The following DHX9 variants were observed in gnomAD, a reference collection of about 807,000 sequenced individuals.
DHX9 encodes DExH-box helicase 9, also known as ATP-dependent RNA helicase A.
DHX9 carries 27 observed loss-of-function variants against 148.7 expected under a neutral mutation model. That is an observed-to-expected ratio of 0.18 (90% confidence interval 0.13 to 0.25). The LOEUF (loss-of-function observed/expected upper bound fraction) is 0.25. DHX9 is among the 10% of genes least tolerant of loss of function. The pLI is 1.00. For missense variants in DHX9, 796 were observed against 1,559.6 expected (o/e 0.51, Z 8.25); for synonymous variants, 529 against 516.6 (o/e 1.02, Z -0.33).
chr1:182,884,522 T>C, intron 26 of DHX9, 91 bp from the exon 27 acceptor site: 5 of 1,135,978 alleles, frequency 4.4e-6, no homozygotes, highest in Non-Finnish European at 6.3e-6. Context: ...GTTAAATTTA[T>C]TCTATAATGT....
chr1:182,849,974 A>T (rs1345348288), intron 3 of DHX9, among the ~76,000 whole-genome samples: 1 of 139,392 alleles, frequency 7.2e-6, no homozygotes, highest in East Asian at 2.0e-4. Context: ...TGTAAAGTGT[A>T]CACACGTACC....
intron 6 of DHX9, 68 bp downstream of exon 6, chr1:182,854,246 T>TCCACGTTG: frequency 1.4e-6 from 2 of 1,417,320 alleles, no homozygotes; most frequent in South Asian, 3.0e-5. Context: ...CTGTTGAATA[T>TCCACGTTG]AATCTATTTT....
chr1:182,844,950 A>G (rs898137564), intron 3 of DHX9, among the ~76,000 whole-genome samples: 10 of 152,230 alleles, frequency 6.6e-5, no homozygotes, highest in Non-Finnish European at 1.5e-4. Context: ...GGTGTGAGCC[A>G]CTGTGCCCAG....
At chr1:182,873,314 G>C (rs79421353) in intron 15 of DHX9, among the ~76,000 whole-genome samples, 9,057 of 152,046 alleles carry the variant, frequency 0.06, 379 homozygotes, top group African/African-American at 0.12. Flanking sequence ...TCTGGTAGCT[G>C]TGGGGGAAAA....
chr1:182,865,409 C>T (rs1220204248), intron 12 of DHX9, among the ~76,000 whole-genome samples: 1 of 152,248 alleles, frequency 6.6e-6, no homozygotes, highest in East Asian at 1.9e-4. Flanking sequence ...ATCTGACTTA[C>T]AGGAGTTGAA....
chr1:182,875,899 A>T (rs188920620), intron 16 of DHX9, 151 bp from the exon 17 acceptor site: 462 of 649,022 alleles, frequency 7.1e-4, no homozygotes, highest in Non-Finnish European at 9.7e-4. Flanking sequence ...ATTTTTGGAA[A>T]TTAAATTTCT....
intron 14 of DHX9, among the ~76,000 whole-genome samples, chr1:182,871,250 G>A (rs1648542722): frequency 3.3e-5 from 5 of 152,088 alleles, no homozygotes; most frequent in Admixed American, 1.3e-4. Context: ...TTTTATAGAA[G>A]AGGAAACATT....
intron 14 of DHX9, 148 bp downstream of exon 14, chr1:182,867,191 G>A: frequency 1.8e-6 from 1 of 545,614 alleles, no homozygotes; most frequent in Non-Finnish European, 3.1e-6. Context: ...TCTTTTTTTA[G>A]TGAGATTATT....
rs1481818505 is a variant in DHX9, at chr1:182,852,238, A to G, written c.258A>G (p.Ala86=). The G allele has an allele frequency of 1.9e-6, 3 of 1,601,930 alleles. No homozygotes were observed. The highest frequency in any genetic ancestry group is 1.1e-5 in the South Asian group (1 of 88,896). Residue 86 remains alanine, a synonymous_variant, in exon 4 of 28, where the codon GCA becomes GCG. Transcript: ENST00000367549. The part of the protein sequence containing the change: ...KSEEVPAFGV[A]SPPPLTDTPD... ...CTTGACTTTTTCTTTTGCAGGTAGCATCTCCGCCCCCACTTACTGATACTC... is the reference window on the plus strand; with the variant it reads ...CTTGACTTTTTCTTTTGCAGGTAGCGTCTCCGCCCCCACTTACTGATACTC...
rs1027476648 is a variant in DHX9, at chr1:182,887,653, T to C, written c.*219T>C. On this transcript the variant is annotated 3_prime_UTR_variant, in exon 28 of 28. Transcript: ENST00000367549. ...ACGATCTCTTAAAAATACCACAGTT[T>C]GTATTTTTTCTTTAAGGAGTAAAGA... is the stretch of plus-strand genomic sequence containing the variant. The C allele has an allele frequency of 6.2e-6, 3 of 483,088 alleles. No homozygotes were observed. Among genetic ancestry groups the C allele is most frequent in the African/African-American group, 5.7e-5 (3 of 52,338 alleles). The allele number at this position is 483,088 out of a possible 1,614,324, so 29.9% of individuals were successfully genotyped here.
At position 182,884,663 on chromosome 1, in the gene DHX9, G is replaced by A. The variant is rs765695106; in HGVS notation, c.3311G>A (p.Arg1104Gln). ...GCTGCTGCCTGTATCACTGGTCTCC[G>A]GGCAGCCATGGAGGCTTTGGTTGTT... Reference protein sequence around the residue: ...HEAAACITGLRAAMEALVVEV... With the variant: ...HEAAACITGLQAAMEALVVEV... The change falls in exon 27 of 28, where the codon CGG becomes CAG. Residue 1104 changes from arginine to glutamine, a missense_variant. By Grantham distance (43) the Arg-to-Gln change is conservative. Around this residue, in one of 14 missense-constraint regions of DHX9, gnomAD observed 86 missense variants for 156.3 expected, o/e 0.55. Coordinates refer to ENST00000367549, the MANE Select transcript of DHX9 (RefSeq NM_001357.5). The A allele has an allele frequency of 1.9e-6, 3 of 1,614,012 alleles. No individual in the cohort carries two copies. The highest frequency in any genetic ancestry group is 2.2e-5 in the East Asian group (1 of 44,880).
chr1:182,883,446 C>T, intron 25 of DHX9, 74 bp from the exon 26 acceptor site: 1 of 1,577,622 alleles, frequency 6.3e-7, no homozygotes, highest in Admixed American at 1.7e-5. Flanking sequence ...TTTTGATTTT[C>T]AAAGCACAGT....
intron 3 of DHX9, among the ~76,000 whole-genome samples, chr1:182,848,220 C>G (rs1397388055): frequency 1.3e-5 from 2 of 152,240 alleles, no homozygotes; most frequent in Non-Finnish European, 2.9e-5. Flanking sequence ...TTCTCCGTAA[C>G]ACTTACTTTT....
chr1:182,850,331 A>T lies in DHX9; in HGVS notation c.253-1902A>T, dbSNP rs571771838. Reference sequence around the variant, plus strand: ...AAAAAGAAAAATGGCGTGGTGGCTCACACCTGTAATACCAACACTTCGGGA... The same window carrying T: ...AAAAAGAAAAATGGCGTGGTGGCTCTCACCTGTAATACCAACACTTCGGGA... On this transcript the variant is annotated intron_variant, in intron 3 of 27. Coordinates refer to ENST00000367549, the MANE Select transcript of DHX9 (RefSeq NM_001357.5). Among the ~76,000 whole-genome samples the T allele has an allele frequency of 3.9e-5, 6 of 152,256 alleles. No homozygotes were observed. In the South Asian group the frequency reaches 1.2e-3, roughly 32 times the overall value.
At chr1:182,866,922 G>T (rs1648319835) in intron 13 of DHX9, 39 bp from the exon 14 acceptor site, 2 of 1,512,774 alleles carry the variant, frequency 1.3e-6, no homozygotes, top group Middle Eastern at 1.8e-4. Context: ...TTACTACTTT[G>T]AACTTTTCTA....
intron 15 of DHX9, among the ~76,000 whole-genome samples, chr1:182,873,948 G>C (rs1268745795): frequency 6.6e-6 from 1 of 152,094 alleles, no homozygotes; most frequent in Non-Finnish European, 1.5e-5. Context: ...GAGCCAACCT[G>C]AAAGAGTTCC....
At chr1:182,852,386 TACAC>T in intron 4 of DHX9, 42 bp downstream of exon 4, 1 of 1,358,932 alleles carries the variant, frequency 7.4e-7, no homozygotes, top group Non-Finnish European at 1.0e-6. Context: ...GAATAAGATA[TACAC>T]AATCTTGATC....
chr1:182,866,701 T>A (rs1648311177), intron 13 of DHX9, 116 bp downstream of exon 13: 1 of 1,327,280 alleles, frequency 7.5e-7, no homozygotes, highest in Non-Finnish European at 1.0e-6. Flanking sequence ...ATTTCTTGTT[T>A]AAATAAAACT....
At chr1:182,878,213 C>A in intron 20 of DHX9, 40 bp downstream of exon 20, 1 of 1,609,558 alleles carries the variant, frequency 6.2e-7, no homozygotes. Context: ...GATTTTTGTT[C>A]TGTTCTCTGT....
Sources: gnomAD v4.1 joint callset for allele counts (sites outside exome capture counted in the v4.1 genomes callset) on GRCh38, gnomAD v4.1.1 for gene constraint, gnomAD v4.1.1 regional missense constraint, MANE v1.5 for transcripts, NCBI Gene and HGNC (gene_info 2026-07-23, HGNC 2026-07-21) for gene names.